CDH4: variants seen among roughly 807,000 people sequenced by gnomAD.
CDH4 encodes the protein cadherin 4, also known as cadherin-4.
CDH4 carries 33 observed loss-of-function variants against 86.0 expected under a neutral mutation model. The ratio of observed to expected loss-of-function variants is 0.38; its 90% CI spans 0.29 to 0.51. The LOEUF (loss-of-function observed/expected upper bound fraction) is 0.51. Ranked by LOEUF, CDH4 falls within the 20% of genes least tolerant of loss-of-function variation. The probability of loss-of-function intolerance (pLI) is 0.86; values close to 1 mark genes in which losing one functional copy is unlikely to be tolerated. For missense variants in CDH4, 1,114 were observed against 1,307.4 expected (o/e 0.85, Z 2.28); for synonymous variants, 555 against 549.4 (o/e 1.01, Z -0.14).
Position 61,681,065 on chromosome 20 carries a change from T to C in CDH4, c.170-62498T>C, listed in dbSNP as rs2145858057. Among the ~76,000 whole-genome samples, 1 of 152,340 alleles carries C rather than the reference T, an allele frequency of 6.6e-6. No individual in the cohort carries two copies. The highest frequency in any genetic ancestry group is 2.1e-4 in the South Asian group (1 of 4,828). Reference sequence around the variant, plus strand: ...AAAGAAACATGTAGCTTCTCTAACATAATCCCTCTGTGCCGTGCAATTATT... The same window carrying C: ...AAAGAAACATGTAGCTTCTCTAACACAATCCCTCTGTGCCGTGCAATTATT... On this transcript the variant is annotated intron_variant, in intron 2 of 15. Transcript: ENST00000614565. The surrounding 1 kb of genome is among the most constrained non-coding windows in gnomAD (Gnocchi z 4.5).
intron 2 of CDH4, among the ~76,000 whole-genome samples, chr20:61,566,122 G>A (rs1481742071): frequency 6.6e-6 from 1 of 152,150 alleles, no homozygotes; most frequent in African/African-American, 2.4e-5. Context: ...TCACTGGGCT[G>A]CTCTCGTCCC....
chr20:61,669,917 G>T (rs1023364297), intron 2 of CDH4, among the ~76,000 whole-genome samples: 1 of 152,144 alleles, frequency 6.6e-6, no homozygotes. Context: ...GTCACTGGTG[G>T]ACCTGAGCTC....
chr20:61,850,400 C>T (rs1982658184), intron 5 of CDH4, among the ~76,000 whole-genome samples: 1 of 152,192 alleles, frequency 6.6e-6, no homozygotes, highest in African/African-American at 2.4e-5. Context: ...ACCCCTCGGC[C>T]ACTTCCAAGA....
intron 9 of CDH4, among the ~76,000 whole-genome samples, chr20:61,921,748 C>CAA (rs11468230): frequency 2.6e-4 from 35 of 134,730 alleles, no homozygotes; most frequent in African/African-American, 9.5e-4. Flanking sequence ...AAGACTCTGT[C>CAA]AAAAAAAAAA....
At chr20:61,925,588 G>A (rs1244500766) in intron 11 of CDH4, among the ~76,000 whole-genome samples, 7 of 152,248 alleles carry the variant, frequency 4.6e-5, no homozygotes, top group Non-Finnish European at 1.5e-5. Context: ...GCTCATCAGT[G>A]GGTGGAACAC....
At chr20:61,896,587 G>A (rs556998930) in intron 8 of CDH4, among the ~76,000 whole-genome samples, 3 of 152,340 alleles carry the variant, frequency 2.0e-5, no homozygotes, top group East Asian at 1.9e-4. Flanking sequence ...CCAGGAGCCC[G>A]AGGAGCATTT....
chr20:61,325,911 C>A (rs572406764), intron 2 of CDH4, among the ~76,000 whole-genome samples: 126 of 152,140 alleles, frequency 8.3e-4, no homozygotes, highest in Non-Finnish European at 8.8e-4. Context: ...CCCACCAGAG[C>A]CCGTCTGGTT....
At chr20:61,924,298 C>CCCCCCA in intron 10 of CDH4, 36 bp from the exon 11 acceptor site, 1 of 1,578,624 alleles carries the variant, frequency 6.3e-7, no homozygotes. Context: ...CGCCCACCCC[C>CCCCCCA]AGCCTTACCT....
intron 2 of CDH4, among the ~76,000 whole-genome samples, chr20:61,668,765 G>A (rs2087354504): frequency 6.6e-6 from 1 of 152,244 alleles, no homozygotes; most frequent in South Asian, 2.1e-4. Context: ...GCTGGTTCCA[G>A]GCCCCTGGGC....
chr20:61,657,301 C>T (rs1006069111), intron 2 of CDH4, among the ~76,000 whole-genome samples: 2 of 152,220 alleles, frequency 1.3e-5, no homozygotes, highest in African/African-American at 2.4e-5. Context: ...GAATTACGTA[C>T]GCAGAAGGAG....
At chr20:61,361,280 C>T (rs752267594) in intron 2 of CDH4, among the ~76,000 whole-genome samples, 12 of 151,484 alleles carry the variant, frequency 7.9e-5, no homozygotes, top group Admixed American at 2.6e-4. Context: ...GAGACTTGCA[C>T]GCATGGATCT....
intron 2 of CDH4, among the ~76,000 whole-genome samples, chr20:61,573,737 C>T (rs2086362529): frequency 6.6e-6 from 1 of 152,170 alleles, no homozygotes; most frequent in Admixed American, 6.5e-5. Context: ...GGGCAACAGC[C>T]GATGTGCTCT....
At chr20:61,621,304 T>G (rs1290451491) in intron 2 of CDH4, among the ~76,000 whole-genome samples, 2 of 152,252 alleles carry the variant, frequency 1.3e-5, no homozygotes, top group Non-Finnish European at 2.9e-5. Context: ...TTTGACATTC[T>G]GTAACTCTTT....
At chr20:61,736,598 A>AGAGGGAGGGAGGAAGGAAGGAGAGG (rs967150340) in intron 2 of CDH4, among the ~76,000 whole-genome samples, 2 of 147,520 alleles carry the variant, frequency 1.4e-5, no homozygotes, top group African/African-American at 5.0e-5. Flanking sequence ...GATGAAGGGG[A>AGAGGGAGGGAGGAAGGAAGGAGAGG]GAGGGAGGGA....
At chr20:61,745,887 A>G (rs1568792295) in intron 3 of CDH4, among the ~76,000 whole-genome samples, 1 of 152,230 alleles carries the variant, frequency 6.6e-6, no homozygotes, top group African/African-American at 2.4e-5. Context: ...TTTCTTGGGC[A>G]TGTTAATGAA....
At chr20:61,711,615 C>T (rs1251765998) in intron 2 of CDH4, among the ~76,000 whole-genome samples, 2 of 152,174 alleles carry the variant, frequency 1.3e-5, no homozygotes, top group East Asian at 1.9e-4. Context: ...GGATAATCTC[C>T]TGTCTCAAGA....
chr20:61,933,700 C>T, intron 14 of CDH4, among the ~76,000 whole-genome samples: 1 of 146,544 alleles, frequency 6.8e-6, no homozygotes, highest in South Asian at 2.1e-4. Flanking sequence ...CGCAACACGA[C>T]CATAACGAAT....
chr20:61,579,858 T>C (rs980519682), intron 2 of CDH4, among the ~76,000 whole-genome samples: 5 of 152,124 alleles, frequency 3.3e-5, no homozygotes, highest in South Asian at 4.1e-4. Context: ...CTCTATATTA[T>C]AGTTATTCAA....
At chr20:61,592,458 A>G (rs1012956845) in intron 2 of CDH4, among the ~76,000 whole-genome samples, 3 of 148,118 alleles carry the variant, frequency 2.0e-5, no homozygotes, top group Non-Finnish European at 4.5e-5. Context: ...ACTTGGTTGA[A>G]ATACAATTCA....
Sources: allele counts gnomAD v4.1 joint callset (sites outside exome capture counted in the v4.1 genomes callset), GRCh38; gene constraint gnomAD v4.1.1; non-coding constraint Gnocchi (gnomAD v3.1); transcripts MANE v1.5; gene names NCBI Gene and HGNC (gene_info 2026-07-23, HGNC 2026-07-21).